Variants in CCSER1 observed in about 807,000 individuals in gnomAD.
The protein encoded by CCSER1 is serine-rich coiled-coil domain-containing protein 1.
CCSER1 carries 41 observed loss-of-function variants against 82.0 expected under a neutral mutation model. That is an observed-to-expected ratio of 0.50 (90% CI 0.39 to 0.65). The LOEUF is 0.65. CCSER1 is among the 30% of genes least tolerant of loss of function. CCSER1 has a pLI of 0.00. For synonymous variants in CCSER1, 414 were observed against 383.9 expected (o/e 1.08, Z -0.92); for missense variants, 1,119 against 1,064.2 (o/e 1.05, Z -0.72).
chr4:91,400,795 CTG>C (rs1752268772), intron 10 of CCSER1, among the ~76,000 whole-genome samples: 1 of 151,626 alleles, frequency 6.6e-6, no homozygotes, highest in Non-Finnish European at 1.5e-5. Context: ...TTCAATTACA[CTG>C]TGTTTAATTT....
chr4:90,337,852 C>T (rs935686287), intron 3 of CCSER1, among the ~76,000 whole-genome samples: 4 of 151,898 alleles, frequency 2.6e-5, no homozygotes, highest in Non-Finnish European at 4.4e-5. Flanking sequence ...ATGAGAAGTG[C>T]GGTATTGCTT....
intron 8 of CCSER1, among the ~76,000 whole-genome samples, chr4:90,881,047 T>TA (rs11355989): frequency 0.012 from 1,780 of 145,168 alleles, 33 homozygotes; most frequent in African/African-American, 0.042. Flanking sequence ...CCCTAAAAAT[T>TA]AAAAAAAAAA....
chr4:91,497,660 A>G (rs1056865222), intron 10 of CCSER1, among the ~76,000 whole-genome samples: 1 of 151,784 alleles, frequency 6.6e-6, no homozygotes, highest in Non-Finnish European at 1.5e-5. Flanking sequence ...AAAGCTAGAG[A>G]TAAGGAACAC....
At chr4:90,730,441 A>C (rs1373439612) in intron 7 of CCSER1, among the ~76,000 whole-genome samples, 2 of 152,172 alleles carry the variant, frequency 1.3e-5, no homozygotes, top group Non-Finnish European at 2.9e-5. Context: ...TTGATGAATC[A>C]ATTTGTCAAG....
intron 7 of CCSER1, among the ~76,000 whole-genome samples, chr4:90,803,666 A>T (rs556664596): frequency 6.4e-4 from 98 of 152,300 alleles, no homozygotes; most frequent in African/African-American, 2.2e-3. Flanking sequence ...GTGCTGCAAT[A>T]AACATATGTG....
chr4:91,183,739 C>A (rs1469827084), intron 10 of CCSER1, among the ~76,000 whole-genome samples: 2 of 152,132 alleles, frequency 1.3e-5, no homozygotes, highest in Non-Finnish European at 2.9e-5. Context: ...ATTAGCAAAT[C>A]TGGAGTCTGC....
chr4:91,426,637 C>A (rs1490857198), intron 10 of CCSER1, among the ~76,000 whole-genome samples: 2 of 151,876 alleles, frequency 1.3e-5, no homozygotes, highest in South Asian at 4.2e-4. Flanking sequence ...CAATTTGAAA[C>A]CTATATGATA....
At chr4:91,118,205 T>C (rs1269473472) in intron 10 of CCSER1, among the ~76,000 whole-genome samples, 1 of 151,938 alleles carries the variant, frequency 6.6e-6, no homozygotes, top group East Asian at 1.9e-4. Context: ...TGAGAAAATA[T>C]TAAATAATAA....
At chr4:91,467,601 A>T (rs189270856) in intron 10 of CCSER1, among the ~76,000 whole-genome samples, 2 of 152,320 alleles carry the variant, frequency 1.3e-5, no homozygotes, top group African/African-American at 4.8e-5. Flanking sequence ...CAATCTACTC[A>T]TCTGACAAAG....
At chr4:91,482,408 CAAAAAAA>C (rs537828832) in intron 10 of CCSER1, among the ~76,000 whole-genome samples, 12,110 of 70,398 alleles carry the variant, frequency 0.17, 655 homozygotes, top group South Asian at 0.18. Context: ...GACTCCGTCT[CAAAAAAA>C]AAAAAAAAAA....
intron 10 of CCSER1, among the ~76,000 whole-genome samples, chr4:91,324,784 T>G (rs554283741): frequency 6.6e-6 from 1 of 152,292 alleles, no homozygotes; most frequent in African/African-American, 2.4e-5. Context: ...GGACTTTTTC[T>G]TAAGCCTTCA....
intron 10 of CCSER1, among the ~76,000 whole-genome samples, chr4:91,385,467 G>C (rs992202183): frequency 1.3e-5 from 2 of 151,972 alleles, no homozygotes; most frequent in Non-Finnish European, 2.9e-5. Context: ...AGCTCCTGAT[G>C]CTTCTCTGAC....
intron 1 of CCSER1, among the ~76,000 whole-genome samples, chr4:90,169,738 G>C (rs892672340): frequency 8.6e-5 from 13 of 151,856 alleles, no homozygotes; most frequent in African/African-American, 3.1e-4. Flanking sequence ...CTCACTACAT[G>C]CTTAATGTTT....
intron 10 of CCSER1, among the ~76,000 whole-genome samples, chr4:91,587,383 T>C (rs113557166): frequency 0.01 from 1,562 of 151,848 alleles, 10 homozygotes; most frequent in Middle Eastern, 0.02. Flanking sequence ...TCCAGATCTA[T>C]CCTAAGCCAA....
chr4:90,485,405 C>T (rs971756621), intron 5 of CCSER1, among the ~76,000 whole-genome samples: 2 of 152,158 alleles, frequency 1.3e-5, no homozygotes, highest in African/African-American at 4.8e-5. Context: ...CTGGCACTCC[C>T]CCGTGAGATG....
intron 7 of CCSER1, among the ~76,000 whole-genome samples, chr4:90,749,375 C>G (rs922607797): frequency 2.0e-5 from 3 of 151,644 alleles, no homozygotes; most frequent in African/African-American, 4.8e-5. Context: ...TCTGAGGGCT[C>G]TGTTCTGTTC....
At chr4:90,930,388 T>C (rs1581119227) in intron 9 of CCSER1, among the ~76,000 whole-genome samples, 1 of 151,724 alleles carries the variant, frequency 6.6e-6, no homozygotes, top group East Asian at 2.0e-4. Flanking sequence ...GATCACGAGG[T>C]CAGGAGATCG....
chr4:90,919,301 A>G (rs1031856553), intron 8 of CCSER1, among the ~76,000 whole-genome samples: 3 of 151,860 alleles, frequency 2.0e-5, no homozygotes, highest in Non-Finnish European at 4.4e-5. Context: ...ATCTTTGCAG[A>G]GATACTGTAC....
intron 3 of CCSER1, among the ~76,000 whole-genome samples, chr4:90,389,132 C>T (rs1750566727): frequency 6.6e-6 from 1 of 152,144 alleles, no homozygotes; most frequent in African/African-American, 2.4e-5. Flanking sequence ...ATTATGGCCA[C>T]TGGTTTAACA....
Sources: allele counts gnomAD v4.1 joint callset (sites outside exome capture counted in the v4.1 genomes callset), GRCh38; gene constraint gnomAD v4.1.1; transcripts MANE v1.5; gene names NCBI Gene and HGNC (gene_info 2026-07-23, HGNC 2026-07-21).